The following SH3BGRL2 variants were observed in gnomAD, a reference collection of about 807,000 sequenced individuals.
SH3BGRL2 encodes SH3 domain binding glutamate rich protein like 2.
SH3BGRL2 carries 21 observed loss-of-function variants against 14.8 expected under a neutral mutation model. That is an observed-to-expected ratio of 1.42 (90% CI 1.01 to 2.05). The LOEUF is 2.05. Ranked by LOEUF, SH3BGRL2 falls within the 30% of genes most tolerant of loss-of-function variation. The probability of loss-of-function intolerance (pLI) is 0.00; values close to 1 mark genes in which losing one functional copy is unlikely to be tolerated. For missense variants in SH3BGRL2, 147 were observed against 130.8 expected (o/e 1.12, Z -0.61); for synonymous variants, 50 against 47.8 (o/e 1.05, Z -0.19).
At chr6:79,680,039 C>G (rs1312877326) in intron 2 of SH3BGRL2, among the ~76,000 whole-genome samples, 4 of 152,168 alleles carry the variant, frequency 2.6e-5, no homozygotes, top group Non-Finnish European at 5.9e-5. Context: ...GTTGCCTTTT[C>G]ACTCTGTTGA....
At chr6:79,661,179 A>T (rs1769538840) in intron 1 of SH3BGRL2, among the ~76,000 whole-genome samples, 1 of 151,764 alleles carries the variant, frequency 6.6e-6, no homozygotes, top group African/African-American at 2.4e-5. Context: ...CTAGCTTTTG[A>T]ATTTGTTACT....
At chr6:79,596,262 GA>G in the SH3BGRL2 span, among the ~76,000 whole-genome samples, 1 of 152,192 alleles carries the variant, frequency 6.6e-6, no homozygotes, top group Non-Finnish European at 1.5e-5. Context: ...GGGCTCAAAC[GA>G]TCCTCCCACC....
At chr6:79,688,150 CA>C (rs1248000118) in intron 2 of SH3BGRL2, among the ~76,000 whole-genome samples, 1 of 151,138 alleles carries the variant, frequency 6.6e-6, no homozygotes, top group African/African-American at 2.4e-5. Flanking sequence ...ATGTCTCTAA[CA>C]GTGGTTTTCA....
At chr6:79,625,979 A>G in the SH3BGRL2 span, among the ~76,000 whole-genome samples, 1 of 152,158 alleles carries the variant, frequency 6.6e-6, no homozygotes, top group Non-Finnish European at 1.5e-5. Flanking sequence ...AACCACTTAG[A>G]ATAGGAAAGG....
the SH3BGRL2 span, among the ~76,000 whole-genome samples, chr6:79,599,701 C>T: frequency 4.6e-5 from 7 of 152,090 alleles, no homozygotes; most frequent in East Asian, 1.9e-4. Context: ...TTGGCTAGGA[C>T]GGGGCAGACA....
At chr6:79,561,682 C>T in the SH3BGRL2 span, 7 of 152,206 alleles carry the variant, frequency 4.6e-5, no homozygotes, top group Admixed American at 2.0e-4. Flanking sequence ...CCTCTCCACT[C>T]GCATACGCTG....
intron 2 of SH3BGRL2, among the ~76,000 whole-genome samples, chr6:79,679,148 G>T (rs1045515349): frequency 2.6e-5 from 4 of 152,264 alleles, no homozygotes; most frequent in Non-Finnish European, 4.4e-5. Context: ...TAATGGGATT[G>T]CTGGGTTGAA....
At chr6:79,617,857 A>G in the SH3BGRL2 span, among the ~76,000 whole-genome samples, 2 of 152,216 alleles carry the variant, frequency 1.3e-5, no homozygotes, top group African/African-American at 4.8e-5. Flanking sequence ...AGATTGTCCC[A>G]CAATGATGAC....
At chr6:79,572,528 T>G in the SH3BGRL2 span, among the ~76,000 whole-genome samples, 3 of 152,108 alleles carry the variant, frequency 2.0e-5, no homozygotes, top group Admixed American at 6.5e-5. Context: ...TGCAGTGGCG[T>G]GATCTCAGCT....
chr6:79,568,937 A>T, the SH3BGRL2 span, among the ~76,000 whole-genome samples: 1 of 152,152 alleles, frequency 6.6e-6, no homozygotes, highest in Admixed American at 6.5e-5. Flanking sequence ...GAAAGAGTCA[A>T]ACTGTAGAAT....
Position 79,701,800 on chromosome 6 carries a change from A to C in SH3BGRL2, c.*2291A>C, listed in dbSNP as rs753840839. The C allele has an allele frequency of 6.6e-6, 1 of 152,346 alleles. No individual in the cohort carries two copies. The highest frequency in any genetic ancestry group is 1.5e-5 in the Non-Finnish European group (1 of 68,012). 9.4% of individuals were successfully genotyped at this position (152,346 alleles called of 1,614,324 possible). A position where few individuals can be genotyped will look rare whatever the true frequency, so the allele number is the denominator to read the frequency against. ...GGGTCCTTACTTGTATTCTTTTATCAGCTGATTTTGAAACATATAATAATG... is the reference window on the plus strand; with the variant it reads ...GGGTCCTTACTTGTATTCTTTTATCCGCTGATTTTGAAACATATAATAATG... On this transcript the variant is annotated 3_prime_UTR_variant, in exon 4 of 4. Transcript: ENST00000369838.
chr6:79,583,181 G>A, the SH3BGRL2 span, among the ~76,000 whole-genome samples: 2 of 152,220 alleles, frequency 1.3e-5, no homozygotes, highest in East Asian at 3.9e-4. Flanking sequence ...TACACTGTTG[G>A]TGGTAGTGTA....
At chr6:79,662,584 T>C (rs996843002) in intron 1 of SH3BGRL2, among the ~76,000 whole-genome samples, 4 of 152,216 alleles carry the variant, frequency 2.6e-5, no homozygotes, top group African/African-American at 9.6e-5. Context: ...TAACATTTTT[T>C]TCCTTCATTT....
chr6:79,625,219 CACACATATATATAT>C, the SH3BGRL2 span, among the ~76,000 whole-genome samples: 24 of 142,080 alleles, frequency 1.7e-4, no homozygotes, highest in South Asian at 2.2e-4. Flanking sequence ...TATATATACA[CACACATATATATAT>C]ACACATATAT....
intron 2 of SH3BGRL2, among the ~76,000 whole-genome samples, chr6:79,682,754 C>A (rs1006741230): frequency 6.6e-6 from 1 of 152,206 alleles, no homozygotes; most frequent in Admixed American, 6.5e-5. Context: ...GACACATGCA[C>A]ACATATGTTT....
chr6:79,626,766 C>T (rs1387700360), upstream of SH3BGRL2, among the ~76,000 whole-genome samples: 1 of 152,124 alleles, frequency 6.6e-6, no homozygotes, highest in African/African-American at 2.4e-5. Context: ...CCTCATGGTG[C>T]CCACCCTATG....
intron 1 of SH3BGRL2, among the ~76,000 whole-genome samples, chr6:79,668,764 A>G (rs1562152794): frequency 6.6e-6 from 1 of 152,202 alleles, no homozygotes; most frequent in Non-Finnish European, 1.5e-5. Context: ...ACTTGCAACT[A>G]TTAAAATTAA....
chr6:79,663,315 T>G (rs181581992), intron 1 of SH3BGRL2, among the ~76,000 whole-genome samples: 11 of 152,336 alleles, frequency 7.2e-5, no homozygotes, highest in African/African-American at 2.6e-4. Flanking sequence ...GTTGGTGACC[T>G]ACAAATGGTG....
the SH3BGRL2 span, among the ~76,000 whole-genome samples, chr6:79,621,823 T>A: frequency 6.6e-6 from 1 of 152,142 alleles, no homozygotes; most frequent in African/African-American, 2.4e-5. Flanking sequence ...CAGTGAGATA[T>A]AAGAAGTCTG....
Sources: gnomAD v4.1 joint callset for allele counts (sites outside exome capture counted in the v4.1 genomes callset) on GRCh38, gnomAD v4.1.1 for gene constraint, MANE v1.5 for transcripts, NCBI Gene and HGNC (gene_info 2026-07-23, HGNC 2026-07-21) for gene names.